Variants in ARV1 observed in about 807,000 individuals in gnomAD.
ARV1 encodes the protein protein ARV1.
In ARV1, 26 loss-of-function variants were observed where a neutral mutation model predicts 31.1. That is an observed-to-expected ratio of 0.84 (90% CI 0.61 to 1.16). ARV1 has a LOEUF of 1.16. Among genes scored for constraint, ARV1 ranks in the 50% most tolerant of loss-of-function variants. ARV1 has a pLI of 0.00. For missense variants in ARV1, 281 were observed against 324.9 expected (o/e 0.86, Z 1.04); for synonymous variants, 117 against 123.2 (o/e 0.95, Z 0.34).
chr1:230,990,361 G>A, intron 3 of ARV1, 98 bp downstream of exon 3: 1 of 1,472,152 alleles, frequency 6.8e-7, no homozygotes. Flanking sequence ...GGTAAGAAGA[G>A]CTAGTTAATA....
chr1:230,983,572 C>A (rs1316764275), intron 1 of ARV1, among the ~76,000 whole-genome samples: 1 of 151,590 alleles, frequency 6.6e-6, no homozygotes, highest in African/African-American at 2.4e-5. Flanking sequence ...CGGCTCCCAC[C>A]CTTGGGATCC....
At chr1:230,986,766 G>GCTTCAAGC (rs1380862106) in intron 1 of ARV1, among the ~76,000 whole-genome samples, 2 of 130,768 alleles carry the variant, frequency 1.5e-5, no homozygotes, top group African/African-American at 5.7e-5. Flanking sequence ...CGAACTTCTG[G>GCTTCAAGC]CTTCAAGCGA....
chr1:230,979,978 A>G (rs1678807784), intron 1 of ARV1, among the ~76,000 whole-genome samples: 1 of 152,236 alleles, frequency 6.6e-6, no homozygotes, highest in Non-Finnish European at 1.5e-5. Flanking sequence ...TTAATTAGCA[A>G]AGAACCTGTC....
rs1679081943 is a variant in ARV1, at chr1:230,986,666, CTATTTTTTTTTTTTTTTTTTTT to C, written c.175-1652_175-1631del. Among the ~76,000 whole-genome samples, 7 of 79,690 alleles carry C rather than the reference CTATTTTTTTTTTTTTTTTTTTT, an allele frequency of 8.8e-5. No homozygotes were observed. In the South Asian group the frequency reaches 3.4e-3, roughly 39 times the overall value. 52.3% of individuals were successfully genotyped at this position (79,690 alleles called of 152,430 possible). A position where few individuals can be genotyped will look rare whatever the true frequency, so the allele number is the denominator to read the frequency against. On this transcript the variant is annotated intron_variant, in intron 1 of 5. Coordinates refer to ENST00000310256, the MANE Select transcript of ARV1 (RefSeq NM_022786.3). The stretch of plus-strand genomic sequence containing the variant: ...TCCACCCACAAATGTAATACTTTTC[CTATTTTTTTTTTTTTTTTTTTT>C]TTTTTTTTTTTTTTTTTTGAGAGAG...
chr1:230,980,856 A>G (rs1050263835), intron 1 of ARV1, among the ~76,000 whole-genome samples: 2 of 151,886 alleles, frequency 1.3e-5, no homozygotes, highest in African/African-American at 2.4e-5. Flanking sequence ...ATTAGAAAGC[A>G]GACCTTCTAA....
chr1:230,985,034 C>A (rs893530633), intron 1 of ARV1, among the ~76,000 whole-genome samples: 13 of 152,092 alleles, frequency 8.5e-5, no homozygotes, highest in Non-Finnish European at 1.2e-4. Flanking sequence ...GGAGTTTGTC[C>A]GGCCTTCCCA....
chr1:230,989,322 GA>G (rs1679170206), intron 2 of ARV1, among the ~76,000 whole-genome samples: 1 of 151,958 alleles, frequency 6.6e-6, no homozygotes, highest in African/African-American at 2.4e-5. Flanking sequence ...ATTTCTAGTA[GA>G]GATGAGGTTC....
At chr1:230,984,673 C>A (rs533387054) in intron 1 of ARV1, among the ~76,000 whole-genome samples, 5 of 152,130 alleles carry the variant, frequency 3.3e-5, no homozygotes, top group Non-Finnish European at 7.4e-5. Flanking sequence ...GACTCAAATG[C>A]AATAATTCTA....
intron 1 of ARV1, among the ~76,000 whole-genome samples, chr1:230,984,398 G>A (rs1679003241): frequency 6.7e-6 from 1 of 149,756 alleles, no homozygotes; most frequent in Non-Finnish European, 1.5e-5. Flanking sequence ...GTGTGTGTGT[G>A]TGTAGTTTTC....
intron 1 of ARV1, among the ~76,000 whole-genome samples, chr1:230,982,055 G>A (rs1027693306): frequency 6.6e-6 from 1 of 152,132 alleles, no homozygotes; most frequent in East Asian, 1.9e-4. Context: ...ACTTAATGTT[G>A]TGTGTCTTCT....
rs111876249 is a variant in ARV1, at chr1:230,988,095, C to G, written c.175-225C>G. On this transcript the variant is annotated intron_variant, in intron 1 of 5. Transcript: ENST00000310256. ...TATATTTTTAGCTTCTTGAATATGA[C>G]GTTAAAATATTAATATTCCTAGCCT... 6.1e-3 allele frequency among the ~76,000 whole-genome samples: 931 copies of G among 152,168 alleles called. 7 individuals carry two copies. The highest frequency in any genetic ancestry group is 0.021 in the African/African-American group (872 of 41,508).
intron 3 of ARV1, among the ~76,000 whole-genome samples, chr1:230,991,631 C>CTT (rs35843547): frequency 0.23 from 29,939 of 132,916 alleles, 3,926 homozygotes; most frequent in East Asian, 0.46. Context: ...AGTACTTCTA[C>CTT]TTTTTTTTTT....
intron 2 of ARV1, among the ~76,000 whole-genome samples, chr1:230,989,550 G>A (rs1002620152): frequency 7.2e-5 from 11 of 152,276 alleles, no homozygotes; most frequent in Admixed American, 2.0e-4. Flanking sequence ...AGACTTTTAA[G>A]AATTAGGTTT....
At chr1:230,986,571 T>C (rs1679075534) in intron 1 of ARV1, among the ~76,000 whole-genome samples, 1 of 151,596 alleles carries the variant, frequency 6.6e-6, no homozygotes, top group South Asian at 2.1e-4. Flanking sequence ...GGACCCACAG[T>C]GAGTGCCTGA....
chr1:230,993,115 A>G (rs2103053514), intron 3 of ARV1, among the ~76,000 whole-genome samples: 1 of 152,194 alleles, frequency 6.6e-6, no homozygotes, highest in Non-Finnish European at 1.5e-5. Context: ...TTAAGAGTGA[A>G]GGTCTTGCTC....
At chr1:230,994,540 A>AT (rs34618657) in intron 3 of ARV1, among the ~76,000 whole-genome samples, 31,667 of 134,074 alleles carry the variant, frequency 0.24, 4,160 homozygotes, top group East Asian at 0.43. Context: ...AACCATCCTA[A>AT]TTTTTTTTTT....
intron 3 of ARV1, chr1:230,990,675 C>G (rs1199866257): frequency 1.1e-5 from 4 of 351,440 alleles, no homozygotes; most frequent in East Asian, 1.2e-4. Context: ...CTGCCTCGGC[C>G]CCCCCAGGTA....
At chr1:230,998,297 G>C (rs995441346) in intron 5 of ARV1, among the ~76,000 whole-genome samples, 2 of 152,150 alleles carry the variant, frequency 1.3e-5, no homozygotes, top group Admixed American at 1.3e-4. Flanking sequence ...GCTGCGCTTT[G>C]GTCTCTCCCT....
chr1:230,993,278 TA>T (rs1193859718), intron 3 of ARV1, among the ~76,000 whole-genome samples: 1 of 152,040 alleles, frequency 6.6e-6, no homozygotes, highest in African/African-American at 2.4e-5. Flanking sequence ...AAAATTTATG[TA>T]AAGGCAGTAT....
Sources: allele counts gnomAD v4.1 joint callset (sites outside exome capture counted in the v4.1 genomes callset), GRCh38; gene constraint gnomAD v4.1.1; transcripts MANE v1.5; gene names NCBI Gene and HGNC (gene_info 2026-07-23, HGNC 2026-07-21).